The following COL12A1 variants were observed in gnomAD, a reference collection of about 807,000 sequenced individuals.
COL12A1 encodes the protein collagen type XII alpha 1 chain, also known as collagen alpha-1(XII) chain.
COL12A1 carries 114 observed loss-of-function variants against 349.7 expected under a neutral mutation model. The observed-to-expected ratio is 0.33, with a 90% CI of 0.28 to 0.38. The LOEUF (loss-of-function observed/expected upper bound fraction) is 0.38. Ranked by LOEUF, COL12A1 falls within the 10% of genes least tolerant of loss-of-function variation. The pLI, the probability that COL12A1 is intolerant of heterozygous loss-of-function variation, is 1.00. For synonymous variants in COL12A1, 1,369 were observed against 1,329.0 expected (o/e 1.03, Z -0.66); for missense variants, 3,284 against 3,756.9 (o/e 0.87, Z 3.29).
In COL12A1 at chr6:75,165,906, T is replaced by C. The variant is rs1768273804; in HGVS notation, c.2711-127A>G. On this transcript the variant is annotated intron_variant, in intron 13 of 65. Coordinates refer to ENST00000322507, the MANE Select transcript of COL12A1 (RefSeq NM_004370.6). The stretch of plus-strand genomic sequence containing the variant: ...CACTCAATTTGTCTAAAATTGCCCA[T>C]TTCTTCTTTTTGAGTTGTCCATCCT... 13 of 900,918 alleles carry C rather than the reference T, an allele frequency of 1.4e-5. 1 individual carries two copies. The highest frequency in any genetic ancestry group is 2.2e-5 in the Non-Finnish European group (13 of 602,592). 55.8% of individuals were successfully genotyped at this position (900,918 alleles called of 1,614,324 possible). A position where few individuals can be genotyped will look rare whatever the true frequency, so the allele number is the denominator to read the frequency against.
At position 75,134,151 on chromosome 6, in the gene COL12A1, C is replaced by T. The variant is rs74708601; in HGVS notation, c.5525-154G>A. ...GAATAAACGACACACACTGTGTCCG[C>T]GTCAGCCTGATGCATATGTCTCATC... On this transcript the variant is annotated intron_variant, in intron 32 of 65. Transcript: ENST00000322507. 8.2e-3 allele frequency among the ~76,000 whole-genome samples: 1,254 copies of T among 152,298 alleles called. 12 individuals are homozygous for T. The highest frequency in any genetic ancestry group is 0.028 in the African/African-American group (1,160 of 41,550).
chr6:75,190,247 A>G (rs1323954355), intron 5 of COL12A1, among the ~76,000 whole-genome samples: 1 of 151,982 alleles, frequency 6.6e-6, no homozygotes, highest in Non-Finnish European at 1.5e-5. Context: ...CTTGGTATTT[A>G]TCAACAAATA....
In COL12A1 at chr6:75,183,292, T is replaced by A; in HGVS notation, c.1649A>T (p.Asp550Val). The change falls in exon 10 of 66, where the codon GAT becomes GTT. Residue 550 changes from aspartate to valine, a missense_variant. Physicochemically the swap from Asp to Val is radical, Grantham distance 152. This residue lies in a region of COL12A1 where 2,601 missense variants were observed against 2,824.8 expected (regional missense o/e 0.92). Transcript: ENST00000322507. Reference protein sequence around the residue: ...NVPKVMILITDGKSSDAFRDP... With the variant: ...NVPKVMILITVGKSSDAFRDP... ...TCTGAAAGCATCTGATGATTTCCCA[T>A]CCGTGATAAGAATCATGACCTTTGG... 6.2e-7 allele frequency: 1 copy of A among 1,614,212 alleles called. No homozygotes were observed. Among genetic ancestry groups the A allele is most frequent in the Non-Finnish European group, 8.5e-7 (1 of 1,180,036 alleles).
chr6:75,148,803 G>T (rs1016836526), intron 21 of COL12A1, among the ~76,000 whole-genome samples: 1 of 152,030 alleles, frequency 6.6e-6, no homozygotes, highest in Non-Finnish European at 1.5e-5. Context: ...CTCAAGACCC[G>T]ATATGGTTTT....
At chr6:75,131,094 G>A in intron 35 of COL12A1, 113 bp from the exon 36 acceptor site, 1 of 1,355,814 alleles carries the variant, frequency 7.4e-7, no homozygotes, top group Admixed American at 1.8e-5. Context: ...AGACACATCA[G>A]AAGCCAACTG....
At position 75,086,243 on chromosome 6, in the gene COL12A1, T is replaced by A. The variant is rs923810938; in HGVS notation, c.*304A>T. ...AGACTCCTCTGGTTAGTAGTTTTAT[T>A]ATGCACCTCTTTCAAAACTGAGGCT... On this transcript the variant is annotated 3_prime_UTR_variant, in exon 66 of 66. Transcript: ENST00000322507. 2.1e-5 allele frequency: 4 copies of A among 186,204 alleles called. No individual in the cohort carries two copies. The highest frequency in any genetic ancestry group is 4.7e-5 in the African/African-American group (2 of 42,670). 11.5% of individuals were successfully genotyped at this position (186,204 alleles called of 1,614,324 possible).
chr6:75,139,067 T>A, intron 27 of COL12A1, 106 bp from the exon 28 acceptor site: 1 of 1,307,950 alleles, frequency 7.6e-7, no homozygotes, highest in Non-Finnish European at 1.1e-6. Context: ...ATCTGAAAAC[T>A]GATTGAATAC....
rs1424598359 is a variant in COL12A1 at position 75,156,474 on chromosome 6, T to G, written c.3033A>C (p.Thr1011=). The G allele has an allele frequency of 4.3e-6, 7 of 1,613,726 alleles. No homozygotes were observed. In the Admixed American group the frequency reaches 6.7e-5, roughly 15 times the overall value. ...GTGCTGGTTTCCATGTAACTCTCATTGTGTTTTCTGTTTCTTCATCTACTT... is the reference window on the plus strand; with the variant it reads ...GTGCTGGTTTCCATGTAACTCTCATGGTGTTTTCTGTTTCTTCATCTACTT... The part of the protein sequence containing the change: ...TLKVDEETEN[T]MRVTWKPAPG... Residue 1011 remains threonine, a synonymous_variant, in exon 15 of 66, where the codon ACA becomes ACC. Transcript: ENST00000322507.
rs767733074 is a variant in COL12A1 at position 75,085,080 on chromosome 6, G to C, written c.*1467C>G. 2.8e-6 allele frequency: 1 copy of C among 353,866 alleles called. No homozygotes were observed. Among genetic ancestry groups the C allele is most frequent in the East Asian group, 7.5e-5 (1 of 13,364 alleles). The allele number at this position is 353,866 out of a possible 1,614,324, so 21.9% of individuals were successfully genotyped here. A position where few individuals can be genotyped will look rare whatever the true frequency, so the allele number is the denominator to read the frequency against. On this transcript the variant is annotated 3_prime_UTR_variant, in exon 66 of 66. Coordinates refer to ENST00000322507, the MANE Select transcript of COL12A1 (RefSeq NM_004370.6). ...AATCAGAAAGGGTACTCCTGGATGA[G>C]CAACGCTGGAAGAAACACCTCAGAA...
chr6:75,133,777 G>A, intron 33 of COL12A1, 81 bp downstream of exon 33: 1 of 1,525,800 alleles, frequency 6.6e-7, no homozygotes, highest in Admixed American at 1.8e-5. Flanking sequence ...AAGCAAACTG[G>A]TTAACTCCTT....
chr6:75,134,002 AAT>A lies in COL12A1; in HGVS notation c.5525-7_5525-6del. On this transcript the variant is annotated splice_region_variant and splice_polypyrimidine_tract_variant and intron_variant, in intron 32 of 65. Transcript: ENST00000322507. The stretch of plus-strand genomic sequence containing the variant: ...TCCTTACAGTGTTTAGAGGTTCTGA[AAT>A]GCACAGAAATCCCATCACAGTATAA... The A allele has an allele frequency of 6.2e-7, 1 of 1,611,498 alleles. No homozygotes were observed. The highest frequency in any genetic ancestry group is 8.5e-7 in the Non-Finnish European group (1 of 1,178,676).
chr6:75,202,901 G>C, intron 1 of COL12A1, 74 bp from the exon 2 acceptor site: 3 of 980,034 alleles, frequency 3.1e-6, no homozygotes, highest in Non-Finnish European at 4.6e-6. Flanking sequence ...CTGGAGCCTG[G>C]ACCTAGTCCA....
rs542836845 is a variant in COL12A1 at position 75,130,745 on chromosome 6, A to G, written c.6067+107T>C. On this transcript the variant is annotated intron_variant, in intron 36 of 65. Transcript: ENST00000322507. Reference sequence around the variant, plus strand: ...AATGTAAATGTAGGGGATCCCAGGCAGAAAGCACCCATCTCTCACCACCCC... The same window carrying G: ...AATGTAAATGTAGGGGATCCCAGGCGGAAAGCACCCATCTCTCACCACCCC... The G allele has an allele frequency of 4.7e-4, 670 of 1,420,406 alleles. 1 individual carries two copies. Among genetic ancestry groups the G allele is most frequent in the Non-Finnish European group, 5.6e-4 (588 of 1,042,490 alleles). The allele number at this position is 1,420,406 out of a possible 1,614,324, so 88.0% of individuals were successfully genotyped here. A position where few individuals can be genotyped will look rare whatever the true frequency, so the allele number is the denominator to read the frequency against.
rs1767451925 is a variant in COL12A1, at chr6:75,085,614, G to A, written c.*933C>T. The A allele has an allele frequency of 3.2e-6, 1 of 308,234 alleles. No individual in the cohort carries two copies. The highest frequency in any genetic ancestry group is 6.6e-6 in the Non-Finnish European group (1 of 152,402). The allele number at this position is 308,234 out of a possible 1,614,324, so 19.1% of individuals were successfully genotyped here. On this transcript the variant is annotated 3_prime_UTR_variant, in exon 66 of 66. Coordinates refer to ENST00000322507, the MANE Select transcript of COL12A1 (RefSeq NM_004370.6). ...ACACAATCATTGCACAAATACTTGG[G>A]AAGGGTCAGAGACTGGGCCAAAGAA...
chr6:75,191,671 C>T, intron 5 of COL12A1, 30 bp downstream of exon 5: 14 of 1,546,884 alleles, frequency 9.1e-6, no homozygotes, highest in Non-Finnish European at 1.1e-5. Flanking sequence ...TTCCATGAAT[C>T]TAAGCAAAAA....
At position 75,119,561 on chromosome 6, in the gene COL12A1, C is replaced by A. The variant is rs969783179; in HGVS notation, c.7087-88G>T. Reference sequence around the variant, plus strand: ...ATGATTCTCTAGCTGCGGAATAAAGCGGTGGGGGTGTAAAAAGTATCTCAG... The same window carrying A: ...ATGATTCTCTAGCTGCGGAATAAAGAGGTGGGGGTGTAAAAAGTATCTCAG... On this transcript the variant is annotated intron_variant, in intron 44 of 65. Coordinates refer to ENST00000322507, the MANE Select transcript of COL12A1 (RefSeq NM_004370.6). The A allele has an allele frequency of 1.2e-5, 17 of 1,468,860 alleles. No individual in the cohort carries two copies. The African/African-American group carries it at 1.4e-4, about 12-fold the overall frequency. 91.0% of individuals were successfully genotyped at this position (1,468,860 alleles called of 1,614,324 possible). A position where few individuals can be genotyped will look rare whatever the true frequency, so the allele number is the denominator to read the frequency against.
chr6:75,131,436 A>G (rs892030656), intron 35 of COL12A1, among the ~76,000 whole-genome samples: 3 of 152,216 alleles, frequency 2.0e-5, no homozygotes, highest in Non-Finnish European at 4.4e-5. Context: ...TGCCAAATGC[A>G]TATATTGTTA....
rs1308769346 is a variant in COL12A1 at position 75,124,277 on chromosome 6, C to T, written c.6702G>A (p.Arg2234=). 6.2e-7 allele frequency: 1 copy of T among 1,613,566 alleles called. No homozygotes were observed. Among genetic ancestry groups the T allele is most frequent in the Non-Finnish European group, 8.5e-7 (1 of 1,179,730 alleles). Residue 2234 remains arginine (R), a synonymous_variant, in exon 41 of 66, where the codon AGG becomes AGA. Transcript: ENST00000322507. The part of the protein sequence containing the change: ...WSPHRAATSY[R]LKLSPADGTR... ...TACCATCTGCAGGGCTTAGTTTTAG[C>T]CTGTAGGAGGTGGCTGCCCGGTGAG... is the stretch of plus-strand genomic sequence containing the variant.
chr6:75,167,245 T>A (rs1036319017), intron 13 of COL12A1, among the ~76,000 whole-genome samples: 14 of 152,206 alleles, frequency 9.2e-5, no homozygotes, highest in African/African-American at 3.4e-4. Flanking sequence ...TTTTGTTTTT[T>A]ATTTGTTTTG....
Sources: allele counts gnomAD v4.1 joint callset (sites outside exome capture counted in the v4.1 genomes callset), GRCh38; gene constraint gnomAD v4.1.1; regional missense constraint gnomAD v4.1.1; transcripts MANE v1.5; gene names NCBI Gene and HGNC (gene_info 2026-07-23, HGNC 2026-07-21).